Variants in MACROD2 observed in about 807,000 individuals in gnomAD.
MACROD2 encodes the protein mono-ADP ribosylhydrolase 2, also known as ADP-ribose glycohydrolase MACROD2.
A neutral mutation model predicts 70.4 loss-of-function variants in MACROD2; 36 were observed. The observed-to-expected ratio is 0.51, with a 90% CI of 0.39 to 0.68. The LOEUF (loss-of-function observed/expected upper bound fraction) is 0.68. MACROD2 is among the 30% of genes least tolerant of loss of function. The probability of loss-of-function intolerance (pLI) is 0.00; values close to 1 mark genes in which losing one functional copy is unlikely to be tolerated. For missense variants in MACROD2, 496 were observed against 538.4 expected (o/e 0.92, Z 0.78); for synonymous variants, 172 against 178.8 (o/e 0.96, Z 0.30).
intron 9 of MACROD2, among the ~76,000 whole-genome samples, chr20:15,869,238 T>TATATATATATATATAG: frequency 2.5e-4 from 7 of 28,288 alleles, no homozygotes; most frequent in African/African-American, 5.0e-4. Flanking sequence ...TATATATATA[T>TATATATATATATATAG]AGAGAGAGAG....
At chr20:16,044,164 G>A (rs538272361) in intron 16 of MACROD2, among the ~76,000 whole-genome samples, 3 of 152,160 alleles carry the variant, frequency 2.0e-5, no homozygotes, top group African/African-American at 7.2e-5. Context: ...GAGAGGAAGG[G>A]GGAGTATGCA....
At chr20:14,220,394 C>G (rs114439419) in intron 3 of MACROD2, among the ~76,000 whole-genome samples, 11 of 152,160 alleles carry the variant, frequency 7.2e-5, no homozygotes, top group African/African-American at 2.7e-4. Flanking sequence ...CCTCCCAACA[C>G]CCTCCAGAGC....
At chr20:14,967,907 A>G (rs1299321399) in intron 5 of MACROD2, among the ~76,000 whole-genome samples, 3 of 152,200 alleles carry the variant, frequency 2.0e-5, no homozygotes, top group Non-Finnish European at 4.4e-5. Flanking sequence ...GAAGATATGT[A>G]TGAAAATTCT....
intron 5 of MACROD2, among the ~76,000 whole-genome samples, chr20:15,064,266 T>C (rs2075556666): frequency 6.6e-6 from 1 of 152,176 alleles, no homozygotes; most frequent in African/African-American, 2.4e-5. Context: ...GGGGCACTGA[T>C]GATCTTTGGA....
chr20:14,065,010 G>A (rs919530499), intron 2 of MACROD2, among the ~76,000 whole-genome samples: 7 of 152,094 alleles, frequency 4.6e-5, no homozygotes, highest in Non-Finnish European at 4.4e-5. Context: ...TCTGAATCAC[G>A]GAACCAAAGA....
At chr20:14,560,570 G>A (rs957626582) in intron 4 of MACROD2, among the ~76,000 whole-genome samples, 1 of 151,790 alleles carries the variant, frequency 6.6e-6, no homozygotes, top group Non-Finnish European at 1.5e-5. Context: ...TTATTACTCA[G>A]CTTTATTATT....
Position 13,995,736 on chromosome 20 carries a change from G to C in MACROD2, c.-28G>C, listed in dbSNP as rs369974397. ...TGCCCGTGAGCCTGGGGAACTTGCA[G>C]CTTAAAGCCAGCCACCCCCACGGCA... On this transcript the variant is annotated 5_prime_UTR_variant, in exon 1 of 18. Transcript: ENST00000684519. This position sits in a 1 kb window ranked among gnomAD's most constrained non-coding sequence, Gnocchi z 4.3. 9 of 1,530,070 alleles carry C rather than the reference G, an allele frequency of 5.9e-6. No individual in the cohort carries two copies. The highest frequency in any genetic ancestry group is 1.4e-5 in the African/African-American group (1 of 72,016). 94.8% of individuals were successfully genotyped at this position (1,530,070 alleles called of 1,614,324 possible). A position where few individuals can be genotyped will look rare whatever the true frequency, so the allele number is the denominator to read the frequency against.
chr20:15,219,909 T>C (rs1429466405), intron 5 of MACROD2, among the ~76,000 whole-genome samples: 1 of 144,528 alleles, frequency 6.9e-6, no homozygotes, highest in African/African-American at 2.6e-5. Flanking sequence ...AATATGCAGA[T>C]GAGGGAAATG....
At chr20:15,901,474 T>G (rs532153723) in intron 10 of MACROD2, among the ~76,000 whole-genome samples, 1 of 152,208 alleles carries the variant, frequency 6.6e-6, no homozygotes, top group African/African-American at 2.4e-5. Context: ...AGCCGCACCA[T>G]CACGACGGTA....
chr20:15,833,240 G>C (rs1302389004), intron 8 of MACROD2, among the ~76,000 whole-genome samples: 1 of 152,148 alleles, frequency 6.6e-6, no homozygotes, highest in Non-Finnish European at 1.5e-5. Flanking sequence ...CCTCAAATGA[G>C]AATAATGTCC....
At chr20:15,937,809 A>C (rs915280926) in intron 12 of MACROD2, among the ~76,000 whole-genome samples, 3 of 151,846 alleles carry the variant, frequency 2.0e-5, no homozygotes, top group Non-Finnish European at 4.4e-5. Context: ...CTGTTTATGA[A>C]ATGAGAGAAT....
intron 3 of MACROD2, among the ~76,000 whole-genome samples, chr20:14,096,534 C>T (rs1174055431): frequency 6.6e-6 from 1 of 151,770 alleles, no homozygotes; most frequent in Non-Finnish European, 1.5e-5. Context: ...ACCTGGCTAA[C>T]TTTTTTGTAT....
chr20:14,380,440 C>CT (rs963409861), intron 3 of MACROD2, among the ~76,000 whole-genome samples: 15 of 151,736 alleles, frequency 9.9e-5, no homozygotes, highest in African/African-American at 3.1e-4. Context: ...TCTATTTTTT[C>CT]TTTTTTGTGT....
chr20:15,415,669 G>A (rs1329599392), intron 6 of MACROD2, among the ~76,000 whole-genome samples: 1 of 152,210 alleles, frequency 6.6e-6, no homozygotes, highest in Non-Finnish European at 1.5e-5. Context: ...TTTTGATGAA[G>A]TCAAAGTCTA....
At position 14,752,654 on chromosome 20, in the gene MACROD2, A is replaced by G. The variant is rs981524919; in HGVS notation, c.418+67695A>G. Among the ~76,000 whole-genome samples, 3 of 152,222 alleles carry G rather than the reference A, an allele frequency of 2.0e-5. No homozygotes were observed. The East Asian group carries it at 5.8e-4, about 29-fold the overall frequency. On this transcript the variant is annotated intron_variant, in intron 5 of 17. Coordinates refer to ENST00000684519, the MANE Select transcript of MACROD2 (RefSeq NM_001351661.2). ...TCCTTCCTTTTAAAATACTTCGAGG[A>G]CTTTCCATTGAATGGATAGAGGTAA...
intron 3 of MACROD2, among the ~76,000 whole-genome samples, chr20:14,103,387 A>G (rs943731814): frequency 2.6e-5 from 4 of 152,182 alleles, no homozygotes; most frequent in South Asian, 2.1e-4. Context: ...CATTTGTTCC[A>G]TGTTTTTAGA....
intron 4 of MACROD2, among the ~76,000 whole-genome samples, chr20:14,534,008 T>C (rs996985691): frequency 1.3e-5 from 2 of 152,242 alleles, no homozygotes; most frequent in Admixed American, 1.3e-4. Flanking sequence ...TTAGTTCTTC[T>C]TCTGCACAAG....
At chr20:14,333,115 C>G (rs1473382155) in intron 3 of MACROD2, among the ~76,000 whole-genome samples, 1 of 151,954 alleles carries the variant, frequency 6.6e-6, no homozygotes, top group Non-Finnish European at 1.5e-5. Context: ...TCTTGAGAGT[C>G]ATGAAGTCTG....
At chr20:14,540,789 CAG>C (rs1385704404) in intron 4 of MACROD2, among the ~76,000 whole-genome samples, 2 of 152,156 alleles carry the variant, frequency 1.3e-5, no homozygotes, top group Non-Finnish European at 2.9e-5. Flanking sequence ...AGGCTGGCAA[CAG>C]AGAGGTTCTT....
Sources: gnomAD v4.1 joint callset for allele counts (sites outside exome capture counted in the v4.1 genomes callset) on GRCh38, gnomAD v4.1.1 for gene constraint, Gnocchi (gnomAD v3.1) non-coding constraint, MANE v1.5 for transcripts, NCBI Gene and HGNC (gene_info 2026-07-23, HGNC 2026-07-21) for gene names.